DENND5B: variants seen among roughly 807,000 people sequenced by gnomAD.
DENND5B encodes DENN domain-containing protein 5B.
DENND5B carries 34 observed loss-of-function variants against 140.6 expected under a neutral mutation model. The ratio of observed to expected loss-of-function variants is 0.24; its 90% confidence interval spans 0.18 to 0.32. The LOEUF is 0.32. DENND5B is among the 10% of genes least tolerant of loss of function. DENND5B has a pLI of 1.00. For missense variants in DENND5B, 1,142 were observed against 1,560.2 expected (o/e 0.73, Z 4.52); for synonymous variants, 551 against 562.1 (o/e 0.98, Z 0.28).
chr12:31,468,088 T>TA lies in DENND5B; in HGVS notation c.905-7708dup, dbSNP rs536980609. ...GGGCAACATACAGAGACCCCACCTC[T>TA]AAAAAAAATTTAAAAATTGGCCAGG... On this transcript the variant is annotated intron_variant, in intron 3 of 20. Transcript: ENST00000389082. 9.6e-3 allele frequency among the ~76,000 whole-genome samples: 1,462 copies of TA among 151,878 alleles called. 27 individuals carry two copies. Among genetic ancestry groups the TA allele is most frequent in the African/African-American group, 0.033 (1,384 of 41,416 alleles).
Position 31,480,162 on chromosome 12 carries a change from G to A in DENND5B, c.331C>T (p.Arg111Cys), listed in dbSNP as rs769405327. The A allele has an allele frequency of 6.2e-6, 10 of 1,606,170 alleles. No homozygotes were observed. Among genetic ancestry groups the A allele is most frequent in the South Asian group, 1.1e-5 (1 of 89,848 alleles). ...SFIITREDGSRTYGFVLTFYE... is the reference protein window; with the variant it reads ...SFIITREDGSCTYGFVLTFYE... ...AAAGTGAGAACAAAACCATAGGTGC[G>A]AGAACCATCTTCCCTGGTAATTATA... is the stretch of plus-strand genomic sequence containing the variant. The change falls in exon 3 of 21, where the codon CGC becomes TGC. Residue 111 changes from arginine to cysteine, a missense_variant. Around this residue, in one of 5 missense-constraint regions of DENND5B, gnomAD observed 708 missense variants for 905.5 expected, o/e 0.78. Coordinates refer to ENST00000389082, the MANE Select transcript of DENND5B (RefSeq NM_144973.4).
At chr12:31,430,011 C>T (rs1384904776) in intron 8 of DENND5B, among the ~76,000 whole-genome samples, 1 of 151,292 alleles carries the variant, frequency 6.6e-6, no homozygotes, top group Non-Finnish European at 1.5e-5. Context: ...AGCCTGAATA[C>T]TTTTTTGTTT....
At chr12:31,434,361 ATCT>A (rs1943646283) in intron 7 of DENND5B, among the ~76,000 whole-genome samples, 1 of 152,078 alleles carries the variant, frequency 6.6e-6, no homozygotes, top group African/African-American at 2.4e-5. Context: ...TTCTATAATA[ATCT>A]TCTCTGCTAC....
chr12:31,421,498 A>G (rs1211602890), intron 11 of DENND5B, among the ~76,000 whole-genome samples: 1 of 152,236 alleles, frequency 6.6e-6, no homozygotes, highest in Admixed American at 6.5e-5. Flanking sequence ...ATTACTTAAG[A>G]ATGAGAGATT....
At chr12:31,447,792 T>C (rs1944335495) in intron 5 of DENND5B, 23 bp from the exon 6 acceptor site, 2 of 1,511,184 alleles carry the variant, frequency 1.3e-6, no homozygotes, top group African/African-American at 2.8e-5. Flanking sequence ...AATTAGGAAA[T>C]TATTAGTGCA....
At chr12:31,579,886 A>G (rs1003101264) in intron 1 of DENND5B, among the ~76,000 whole-genome samples, 1 of 151,870 alleles carries the variant, frequency 6.6e-6, no homozygotes, top group Non-Finnish European at 1.5e-5. Flanking sequence ...AGGACCTTAC[A>G]TGGTGCCATC....
chr12:31,396,196 A>G (rs1031814410), intron 17 of DENND5B, among the ~76,000 whole-genome samples: 1 of 151,552 alleles, frequency 6.6e-6, no homozygotes, highest in African/African-American at 2.4e-5. Context: ...CAGCCTCCCA[A>G]GTAGCTAGGA....
intron 1 of DENND5B, among the ~76,000 whole-genome samples, chr12:31,566,304 C>A (rs1189262962): frequency 6.7e-6 from 1 of 150,288 alleles, no homozygotes; most frequent in Non-Finnish European, 1.5e-5. Context: ...GCATTCCGGC[C>A]AGGGAAACAT....
chr12:31,522,383 A>G (rs1947927777), intron 1 of DENND5B, among the ~76,000 whole-genome samples: 1 of 152,228 alleles, frequency 6.6e-6, no homozygotes, highest in African/African-American at 2.4e-5. Flanking sequence ...GCTGATCCCA[A>G]TTTCCTAGGT....
At chr12:31,554,369 T>C (rs1409549786) in intron 1 of DENND5B, among the ~76,000 whole-genome samples, 3 of 151,256 alleles carry the variant, frequency 2.0e-5, no homozygotes, top group Non-Finnish European at 4.4e-5. Context: ...AATTCTTTTC[T>C]TTAAGAATGT....
At chr12:31,543,940 G>T (rs1302377832) in intron 1 of DENND5B, among the ~76,000 whole-genome samples, 1 of 152,186 alleles carries the variant, frequency 6.6e-6, no homozygotes, top group Admixed American at 6.5e-5. Flanking sequence ...AGGCCAGCCA[G>T]ATCACTTGAG....
Position 31,387,623 on chromosome 12 carries a change from T to G in DENND5B, c.3805A>C (p.Ile1269Leu), listed in dbSNP as rs1181209858. The G allele has an allele frequency of 6.2e-7, 1 of 1,613,922 alleles. No homozygotes were observed. The highest frequency in any genetic ancestry group is 8.5e-7 in the Non-Finnish European group (1 of 1,179,824). The stretch of plus-strand genomic sequence containing the variant: ...TTGGGTTACACATCCACTCCTTTGA[T>G]GAGTGATCCTTCTAGGACTATGGTG... ...DFTIVLEGSL[I>L]KGVDV is the part of the protein sequence containing the mutation. The change falls in exon 21 of 21, where the codon ATC becomes CTC. Residue 1269 changes from isoleucine to leucine, a missense_variant. Around this residue, in one of 5 missense-constraint regions of DENND5B, gnomAD observed 125 missense variants for 179.0 expected, o/e 0.70. Transcript: ENST00000389082.
At chr12:31,437,069 A>T (rs890278530) in intron 7 of DENND5B, among the ~76,000 whole-genome samples, 1 of 152,048 alleles carries the variant, frequency 6.6e-6, no homozygotes, top group Non-Finnish European at 1.5e-5. Flanking sequence ...ATTTTCTATA[A>T]AATCTCCTCT....
At chr12:31,519,822 C>T (rs1947808809) in intron 1 of DENND5B, among the ~76,000 whole-genome samples, 1 of 152,290 alleles carries the variant, frequency 6.6e-6, no homozygotes, top group South Asian at 2.1e-4. Context: ...CTTACACTCA[C>T]CCTTTTAAAG....
At chr12:31,546,722 G>C (rs1948876277) in intron 1 of DENND5B, among the ~76,000 whole-genome samples, 1 of 152,116 alleles carries the variant, frequency 6.6e-6, no homozygotes, top group African/African-American at 2.4e-5. Context: ...AAATTATTCT[G>C]CATTTAAAAG....
intron 7 of DENND5B, among the ~76,000 whole-genome samples, chr12:31,436,898 T>C (rs1200256709): frequency 6.6e-6 from 1 of 152,194 alleles, no homozygotes; most frequent in African/African-American, 2.4e-5. Context: ...TCTGAGCCTT[T>C]GTCCATGAAG....
In DENND5B at chr12:31,537,839, G is replaced by A. The variant is rs187099827; in HGVS notation, c.128-41920C>T. 2.1e-3 allele frequency among the ~76,000 whole-genome samples: 325 copies of A among 152,184 alleles called. 2 individuals are homozygous for A. The highest frequency in any genetic ancestry group is 7.2e-3 in the African/African-American group (298 of 41,532). On this transcript the variant is annotated intron_variant, in intron 1 of 20. Transcript: ENST00000389082. ...CAAAAAAGACTAGGAGTAGCTATAC[G>A]TATATCAGACGAAATAGATTTCAAG...
At chr12:31,421,188 CACCTGCCACCCAT>C (rs1943004859) in intron 11 of DENND5B, among the ~76,000 whole-genome samples, 1 of 151,446 alleles carries the variant, frequency 6.6e-6, no homozygotes, top group South Asian at 2.1e-4. Context: ...GGATTACAGA[CACCTGCCACCCAT>C]GCCTGGCTAA....
At chr12:31,514,121 C>A (rs1315474783) in intron 1 of DENND5B, among the ~76,000 whole-genome samples, 3 of 152,146 alleles carry the variant, frequency 2.0e-5, no homozygotes, top group Admixed American at 1.3e-4. Flanking sequence ...GCTGTGATTA[C>A]AGGTATGAGC....
Sources: gnomAD v4.1 joint callset for allele counts (sites outside exome capture counted in the v4.1 genomes callset) on GRCh38, gnomAD v4.1.1 for gene constraint, gnomAD v4.1.1 regional missense constraint, MANE v1.5 for transcripts, NCBI Gene and HGNC (gene_info 2026-07-23, HGNC 2026-07-21) for gene names.